The following GFM1 variants were observed in gnomAD, a reference collection of about 807,000 sequenced individuals.
GFM1 encodes G elongation factor mitochondrial 1.
GFM1 carries 62 observed loss-of-function variants against 96.2 expected under a neutral mutation model. That is an observed-to-expected ratio of 0.64 (90% confidence interval 0.53 to 0.80). The LOEUF is 0.80. Among genes scored for constraint, GFM1 ranks in the 30% least tolerant of loss-of-function variants. The probability of loss-of-function intolerance (pLI) is 0.00; values close to 1 mark genes in which losing one functional copy is unlikely to be tolerated. For missense variants in GFM1, 852 were observed against 916.6 expected, an observed-to-expected ratio of 0.93 and a Z score of 0.91; for synonymous variants, 282 against 312.9, an observed-to-expected ratio of 0.90 and a Z score of 1.04.
intron 10 of GFM1, among the ~76,000 whole-genome samples, chr3:158,662,139 C>T (rs947261314): frequency 6.6e-6 from 1 of 152,110 alleles, no homozygotes; most frequent in Non-Finnish European, 1.5e-5. Context: ...ATTTCCAAGC[C>T]TTTAGTGACT....
Position 158,694,222 on chromosome 3 carries a change from A to C in GFM1, c.*2755A>C, listed in dbSNP as rs2108124501. 6.6e-6 allele frequency among the ~76,000 whole-genome samples: 1 copy of C among 152,066 alleles called. No individual in the cohort carries two copies. Among genetic ancestry groups the C allele is most frequent in the Non-Finnish European group, 1.5e-5 (1 of 67,958 alleles). On this transcript the variant is annotated 3_prime_UTR_variant, in exon 18 of 18. Transcript: ENST00000486715. ...AGACTGGATAAAGAAAATGTGGTACATACACATTGTGGAATACTATGCAGC... is the reference window on the plus strand; with the variant it reads ...AGACTGGATAAAGAAAATGTGGTACCTACACATTGTGGAATACTATGCAGC...
At chr3:158,658,517 G>A (rs995685757) in intron 8 of GFM1, among the ~76,000 whole-genome samples, 1 of 152,150 alleles carries the variant, frequency 6.6e-6, no homozygotes, top group Non-Finnish European at 1.5e-5. Context: ...TTGTGTTTTA[G>A]ATGTATAGCA....
In GFM1 at chr3:158,650,067, C is replaced by A. The variant is rs754385267; in HGVS notation, c.689+910C>A. On this transcript the variant is annotated intron_variant, in intron 5 of 17. Transcript: ENST00000486715. ...TGGGATCGCAGGTCTGGCAGGTGGG[C>A]GAATGGCATTGTGATCAGTGAACTA... The A allele has an allele frequency of 2.6e-6, 4 of 1,533,564 alleles. No homozygotes were observed. The South Asian group carries it at 4.8e-5, about 18-fold the overall frequency. The allele number at this position is 1,533,564 out of a possible 1,614,324, so 95.0% of individuals were successfully genotyped here.
chr3:158,650,302 A>G, intron 5 of GFM1: 2 of 492,734 alleles, frequency 4.1e-6, no homozygotes, highest in South Asian at 2.4e-5. Flanking sequence ...CCCTAGAACA[A>G]CTAGTTACAA....
chr3:158,681,881 T>A, intron 13 of GFM1, 114 bp from the exon 14 acceptor site: 1 of 888,348 alleles, frequency 1.1e-6, no homozygotes, highest in Non-Finnish European at 1.8e-6. Flanking sequence ...AGCAAGACCA[T>A]CATATTCAAA....
chr3:158,678,974 G>A (rs770767736), intron 13 of GFM1, among the ~76,000 whole-genome samples: 4 of 152,148 alleles, frequency 2.6e-5, no homozygotes, highest in Non-Finnish European at 5.9e-5. Context: ...TTTGAGACCA[G>A]CCCTGGGCAA....
At chr3:158,667,177 C>T in intron 13 of GFM1, 1 of 1,214,554 alleles carries the variant, frequency 8.2e-7, no homozygotes, top group Non-Finnish European at 1.1e-6. Context: ...ATAATATTTC[C>T]ATTTAGGTAA....
intron 13 of GFM1, chr3:158,672,581 G>C: frequency 7.0e-7 from 1 of 1,436,798 alleles, no homozygotes; most frequent in East Asian, 2.4e-5. Flanking sequence ...TTGCCGAGGC[G>C]GAAAAGTCGC....
At chr3:158,652,025 A>G (rs763523648) in intron 5 of GFM1, 71 bp from the exon 6 acceptor site, 7 of 1,312,704 alleles carry the variant, frequency 5.3e-6, no homozygotes, top group Non-Finnish European at 7.7e-6. Flanking sequence ...ACCATTAATC[A>G]TATATTTTTC....
intron 9 of GFM1, chr3:158,660,481 C>T: frequency 4.2e-6 from 1 of 239,496 alleles, no homozygotes; most frequent in Non-Finnish European, 8.3e-6. Flanking sequence ...CTCCTGACCT[C>T]AGGTGATCCA....
At chr3:158,648,450 G>C (rs976452766) in intron 4 of GFM1, among the ~76,000 whole-genome samples, 1 of 151,954 alleles carries the variant, frequency 6.6e-6, no homozygotes, top group African/African-American at 2.4e-5. Flanking sequence ...AGGCCGAGGC[G>C]GGTGGATCAC....
intron 13 of GFM1, chr3:158,671,040 T>C (rs367882642): frequency 1.3e-6 from 2 of 1,504,228 alleles, no homozygotes; most frequent in African/African-American, 1.4e-5. Context: ...GAAAATGTAG[T>C]GGAGACAAGA....
chr3:158,651,766 C>A (rs1722313947), intron 5 of GFM1, among the ~76,000 whole-genome samples: 4 of 152,066 alleles, frequency 2.6e-5, no homozygotes, highest in African/African-American at 7.2e-5. Flanking sequence ...TTATCATTTT[C>A]TTCTGTAAAA....
At chr3:158,687,548 A>G (rs1008203919) in intron 15 of GFM1, among the ~76,000 whole-genome samples, 4 of 150,910 alleles carry the variant, frequency 2.7e-5, no homozygotes, top group Non-Finnish European at 1.5e-5. Context: ...GCTCACTGCA[A>G]CCTCCGCCTC....
intron 6 of GFM1, 27 bp downstream of exon 6, chr3:158,652,273 G>A (rs1384690286): frequency 6.2e-7 from 1 of 1,608,456 alleles, no homozygotes; most frequent in South Asian, 1.1e-5. Flanking sequence ...TAAGTCTTAT[G>A]TTAACAACAA....
intron 13 of GFM1, among the ~76,000 whole-genome samples, chr3:158,680,706 A>G (rs1045157324): frequency 6.6e-6 from 1 of 152,260 alleles, no homozygotes; most frequent in South Asian, 2.1e-4. Context: ...TACCTATTTC[A>G]TGGGTTTGTG....
chr3:158,667,116 CT>C, intron 13 of GFM1: 1 of 1,512,342 alleles, frequency 6.6e-7, no homozygotes. Context: ...AACTTAATAT[CT>C]TTGGCAAAAA....
chr3:158,654,574 A>G lies in GFM1; in HGVS notation c.1026A>G (p.Leu342=). 6.2e-7 allele frequency: 1 copy of G among 1,612,330 alleles called. No homozygotes were observed. The highest frequency in any genetic ancestry group is 8.5e-7 in the Non-Finnish European group (1 of 1,178,506). The part of the protein sequence containing the change: ...EDDSKEKTKI[L]MNSSRDNSHP... ...ACTCAAAAGAGAAAACCAAAATCCT[A>G]ATGAACTCCAGTAGAGACAATTCCC... The change falls in exon 8 of 18, where the codon CTA becomes CTG. Residue 342 remains leucine, a synonymous_variant. Transcript: ENST00000486715.
intron 15 of GFM1, among the ~76,000 whole-genome samples, chr3:158,686,732 T>TTTTG (rs1725892438): frequency 1.4e-5 from 2 of 139,684 alleles, no homozygotes; most frequent in Non-Finnish European, 3.1e-5. Flanking sequence ...TTTTTTTTTT[T>TTTTG]TTTTTTTTTT....
Sources: gnomAD v4.1 joint callset for allele counts (sites outside exome capture counted in the v4.1 genomes callset) on GRCh38, gnomAD v4.1.1 for gene constraint, MANE v1.5 for transcripts, NCBI Gene and HGNC (gene_info 2026-07-23, HGNC 2026-07-21) for gene names.